PKD1L1: variants seen among roughly 807,000 people sequenced by gnomAD.
The protein encoded by PKD1L1 is polycystin 1 like 1, transient receptor potential channel interacting, also known as polycystin-1-like protein 1.
In PKD1L1, 236 loss-of-function variants were observed where a neutral mutation model predicts 323.4. The ratio of observed to expected loss-of-function variants is 0.73; its 90% CI spans 0.66 to 0.81. The LOEUF (loss-of-function observed/expected upper bound fraction) is 0.81. Among genes scored for constraint, PKD1L1 ranks in the 40% least tolerant of loss-of-function variants. The pLI is 0.00. For missense variants in PKD1L1, 3,320 were observed against 3,508.0 expected (o/e 0.95, Z 1.35); for synonymous variants, 1,344 against 1,335.0 (o/e 1.01, Z -0.15).
intron 56 of PKD1L1, among the ~76,000 whole-genome samples, chr7:47,784,459 C>T (rs1158688935): frequency 6.6e-6 from 1 of 152,076 alleles, no homozygotes; most frequent in Non-Finnish European, 1.5e-5. Context: ...CATCTCTTTA[C>T]TTGAGTAATA....
At chr7:47,856,228 G>A (rs1360116089) in intron 28 of PKD1L1, among the ~76,000 whole-genome samples, 3 of 151,964 alleles carry the variant, frequency 2.0e-5, no homozygotes, top group African/African-American at 7.3e-5. Context: ...AGTAGAGACG[G>A]GTGTTTCACC....
At chr7:47,831,926 T>C (rs1785356083) in intron 41 of PKD1L1, among the ~76,000 whole-genome samples, 1 of 152,156 alleles carries the variant, frequency 6.6e-6, no homozygotes, top group African/African-American at 2.4e-5. Flanking sequence ...CCCCTGCAGT[T>C]TTCAACCTTC....
At chr7:47,820,350 T>C (rs1013950904) in intron 46 of PKD1L1, among the ~76,000 whole-genome samples, 12 of 152,214 alleles carry the variant, frequency 7.9e-5, no homozygotes, top group African/African-American at 2.9e-4. Flanking sequence ...GATTTACCTA[T>C]GATCAACATC....
intron 32 of PKD1L1, among the ~76,000 whole-genome samples, chr7:47,845,400 C>A (rs529204060): frequency 6.6e-6 from 1 of 152,304 alleles, no homozygotes; most frequent in Non-Finnish European, 1.5e-5. Flanking sequence ...CTCTCGGGTC[C>A]CAGTCACAGC....
chr7:47,913,967 T>C (rs914253438), intron 8 of PKD1L1, among the ~76,000 whole-genome samples: 1 of 151,626 alleles, frequency 6.6e-6, no homozygotes, highest in African/African-American at 2.4e-5. Flanking sequence ...TCAAAAGACA[T>C]GAAGATTTAA....
At chr7:47,878,334 A>G (rs1371095071) in intron 21 of PKD1L1, among the ~76,000 whole-genome samples, 1 of 152,172 alleles carries the variant, frequency 6.6e-6, no homozygotes, top group Non-Finnish European at 1.5e-5. Flanking sequence ...GTTATTATTG[A>G]TCACCCCATA....
intron 56 of PKD1L1, among the ~76,000 whole-genome samples, chr7:47,781,989 T>C (rs1786708938): frequency 6.6e-6 from 1 of 152,196 alleles, no homozygotes. Context: ...TGTGAGTCCA[T>C]TCTGGGATCT....
chr7:47,949,829 T>C (rs1442342384), upstream of PKD1L1, among the ~76,000 whole-genome samples: 1 of 152,170 alleles, frequency 6.6e-6, no homozygotes, highest in Non-Finnish European at 1.5e-5. Context: ...TGTCCGGCCT[T>C]GGATCCTGTG....
chr7:47,823,161 A>G (rs1785180696), intron 45 of PKD1L1, among the ~76,000 whole-genome samples: 1 of 152,160 alleles, frequency 6.6e-6, no homozygotes, highest in East Asian at 1.9e-4. Flanking sequence ...AAAACATTCG[A>G]TATCTCTCTA....
intron 21 of PKD1L1, among the ~76,000 whole-genome samples, chr7:47,880,249 T>TAGATAGATAG (rs1424463564): frequency 0.013 from 1,334 of 101,678 alleles, 60 homozygotes; most frequent in African/African-American, 0.058. Context: ...ATAAATAAGA[T>TAGATAGATAG]ATATATATAT....
intron 7 of PKD1L1, among the ~76,000 whole-genome samples, chr7:47,922,011 T>G (rs1787553574): frequency 6.6e-6 from 1 of 151,136 alleles, no homozygotes. Context: ...GCAACCTCCC[T>G]GCCTGATTCT....
chr7:47,804,481 T>G (rs1303628665), intron 52 of PKD1L1, among the ~76,000 whole-genome samples: 3 of 147,724 alleles, frequency 2.0e-5, no homozygotes, highest in Admixed American at 6.7e-5. Flanking sequence ...TTTTTTTTTT[T>G]TTTTTTTTGA....
chr7:47,878,012 C>T (rs1239276655), intron 21 of PKD1L1, among the ~76,000 whole-genome samples: 2 of 151,950 alleles, frequency 1.3e-5, no homozygotes, highest in African/African-American at 2.4e-5. Context: ...AGACAGAAAC[C>T]GAAGCCTGAG....
At chr7:47,865,355 C>T in intron 25 of PKD1L1, 83 bp from the exon 26 acceptor site, 1 of 1,268,304 alleles carries the variant, frequency 7.9e-7, no homozygotes, top group East Asian at 2.5e-5. Flanking sequence ...TTACAGCTTG[C>T]CTATGTAGAA....
chr7:47,805,704 C>T (rs550783184), intron 52 of PKD1L1, among the ~76,000 whole-genome samples: 1 of 152,296 alleles, frequency 6.6e-6, no homozygotes, highest in Admixed American at 6.5e-5. Flanking sequence ...CGTTCCATTG[C>T]ATTATAGTTC....
intron 8 of PKD1L1, among the ~76,000 whole-genome samples, chr7:47,914,911 T>C (rs1193265702): frequency 2.0e-5 from 3 of 152,202 alleles, no homozygotes; most frequent in African/African-American, 7.2e-5. Context: ...TGCAACTCCC[T>C]GTAACCTCCT....
chr7:47,790,189 C>T (rs1016618101), intron 56 of PKD1L1, among the ~76,000 whole-genome samples: 8 of 151,548 alleles, frequency 5.3e-5, no homozygotes, highest in Non-Finnish European at 1.2e-4. Context: ...GCGCCTGACC[C>T]AATTTTATTT....
intron 31 of PKD1L1, among the ~76,000 whole-genome samples, chr7:47,851,933 TA>T (rs1562959013): frequency 1.3e-5 from 2 of 152,158 alleles, no homozygotes; most frequent in Non-Finnish European, 2.9e-5. Context: ...TACTTCTGAT[TA>T]AAAAATATAA....
rs777639245 is a variant in PKD1L1 at position 47,835,028 on chromosome 7, C to A, written c.6066G>T (p.Gly2022=). ...GGCTGTGTGGCTCCACTCGGGCAGA[C>A]CCCGGGGCTTCCTGCAGAAGGAAAG... ...LLFRLSKEAP[G]SARVEPHSPL... is the part of the protein sequence containing the mutation. Residue 2022 remains glycine (G), a synonymous_variant, in exon 39 of 57, where the codon GGG becomes GGT. Coordinates refer to ENST00000289672, the MANE Select transcript of PKD1L1 (RefSeq NM_138295.5). The A allele has an allele frequency of 7.3e-5, 117 of 1,613,758 alleles. 1 individual carries two copies. The South Asian group carries it at 1.2e-3, about 16-fold the overall frequency.
Sources: gnomAD v4.1 joint callset for allele counts (sites outside exome capture counted in the v4.1 genomes callset) on GRCh38, gnomAD v4.1.1 for gene constraint, MANE v1.5 for transcripts, NCBI Gene and HGNC (gene_info 2026-07-23, HGNC 2026-07-21) for gene names.